RAB38: variants seen among roughly 807,000 people sequenced by gnomAD.
RAB38 encodes the protein RAB38, member RAS oncogene family, also known as ras-related protein Rab-38.
In RAB38, 15 loss-of-function variants were observed where a neutral mutation model predicts 18.4. That is an observed-to-expected ratio of 0.82 (90% CI 0.55 to 1.26). RAB38 has a LOEUF of 1.26. Among genes scored for constraint, RAB38 ranks in the 50% most tolerant of loss-of-function variants. RAB38 has a pLI of 0.00. For missense variants in RAB38, 294 were observed against 267.4 expected (o/e 1.10, Z -0.69); for synonymous variants, 101 against 104.4 (o/e 0.97, Z 0.20).
At chr11:88,121,591 CTCGCTCTG>C (rs1233505227) in intron 2 of RAB38, among the ~76,000 whole-genome samples, 1 of 151,676 alleles carries the variant, frequency 6.6e-6, no homozygotes, top group Non-Finnish European at 1.5e-5. Context: ...GAGACGGAGC[CTCGCTCTG>C]TCGCCCAGGC....
chr11:87,930,112 T>A, the RAB38 span, among the ~76,000 whole-genome samples: 1 of 152,086 alleles, frequency 6.6e-6, no homozygotes, highest in African/African-American at 2.4e-5. Flanking sequence ...ATGGTATTTC[T>A]AGTTCTAGAT....
At chr11:87,804,404 G>A in the RAB38 span, among the ~76,000 whole-genome samples, 1 of 152,118 alleles carries the variant, frequency 6.6e-6, no homozygotes, top group African/African-American at 2.4e-5. Flanking sequence ...ACTGACACCT[G>A]CTGAGGTATC....
At chr11:88,049,717 A>T in the RAB38 span, among the ~76,000 whole-genome samples, 1 of 151,904 alleles carries the variant, frequency 6.6e-6, no homozygotes, top group Non-Finnish European at 1.5e-5. Context: ...CGTGAGAAAG[A>T]TCCACCTACG....
In RAB38 at chr11:88,155,473, G is replaced by A. The variant is rs141289010; in HGVS notation, c.203-5518C>T. ...AAAAGACCCCATGGAGCAGGGCAAA[G>A]GAAAAGGAAAAAGGAAAGAAAAAAA... On this transcript the variant is annotated intron_variant, in intron 1 of 2. Coordinates refer to ENST00000243662, the MANE Select transcript of RAB38 (RefSeq NM_022337.3). Among the ~76,000 whole-genome samples the A allele has an allele frequency of 5.6e-3, 853 of 151,564 alleles. 5 individuals carry two copies. Among genetic ancestry groups the A allele is most frequent in the African/African-American group, 0.02 (813 of 41,308 alleles).
chr11:87,840,643 A>G, the RAB38 span, among the ~76,000 whole-genome samples: 12 of 152,212 alleles, frequency 7.9e-5, no homozygotes, highest in Admixed American at 3.3e-4. Context: ...TTTCTGTCTC[A>G]TACTACTGAA....
chr11:88,075,840 T>C, the RAB38 span, among the ~76,000 whole-genome samples: 1 of 150,634 alleles, frequency 6.6e-6, no homozygotes, highest in African/African-American at 2.4e-5. Context: ...AAGATTTCAC[T>C]GTTGTACTCC....
chr11:88,004,486 A>C, the RAB38 span, among the ~76,000 whole-genome samples: 1 of 151,304 alleles, frequency 6.6e-6, no homozygotes, highest in African/African-American at 2.4e-5. Flanking sequence ...AATATCATAA[A>C]GGACAACTAT....
At chr11:88,078,642 A>G in the RAB38 span, among the ~76,000 whole-genome samples, 1 of 151,888 alleles carries the variant, frequency 6.6e-6, no homozygotes, top group Non-Finnish European at 1.5e-5. Flanking sequence ...CAGATGCTGT[A>G]TGTTCTCACT....
chr11:87,850,747 T>TACACACAC, the RAB38 span, among the ~76,000 whole-genome samples: 1 of 92,524 alleles, frequency 1.1e-5, no homozygotes, highest in Non-Finnish European at 2.5e-5. Context: ...CACACACACA[T>TACACACAC]ACACACACAC....
the RAB38 span, among the ~76,000 whole-genome samples, chr11:87,851,503 G>T: frequency 6.6e-6 from 1 of 152,146 alleles, no homozygotes; most frequent in Non-Finnish European, 1.5e-5. Context: ...TGTTTTCATT[G>T]CTGTTTGTTT....
chr11:87,922,122 A>T, the RAB38 span, among the ~76,000 whole-genome samples: 1 of 151,994 alleles, frequency 6.6e-6, no homozygotes, highest in African/African-American at 2.4e-5. Flanking sequence ...TATGACTGTA[A>T]ATATTTCCAG....
the RAB38 span, among the ~76,000 whole-genome samples, chr11:88,021,592 A>G: frequency 3.1e-5 from 2 of 63,540 alleles, no homozygotes; most frequent in Admixed American, 3.4e-4. Context: ...TTATTTATTT[A>G]TTTATTTATT....
chr11:88,020,289 A>G, the RAB38 span, among the ~76,000 whole-genome samples: 1 of 152,220 alleles, frequency 6.6e-6, no homozygotes, highest in Non-Finnish European at 1.5e-5. Context: ...ACCAAAAAAG[A>G]GCAGAAGTAG....
chr11:88,031,487 C>T, the RAB38 span, among the ~76,000 whole-genome samples: 1 of 152,002 alleles, frequency 6.6e-6, no homozygotes, highest in African/African-American at 2.4e-5. Flanking sequence ...ACCCCATTGT[C>T]TCAGCCCAAA....
chr11:88,147,652 G>C (rs1810261107), intron 2 of RAB38, among the ~76,000 whole-genome samples: 1 of 151,888 alleles, frequency 6.6e-6, no homozygotes, highest in Non-Finnish European at 1.5e-5. Context: ...CAGCACTTTG[G>C]GAGGCTGAGG....
At chr11:87,829,501 G>A in the RAB38 span, among the ~76,000 whole-genome samples, 1 of 152,056 alleles carries the variant, frequency 6.6e-6, no homozygotes, top group African/African-American at 2.4e-5. Context: ...TGGTGGCAGG[G>A]GAGAGAGAGT....
the RAB38 span, among the ~76,000 whole-genome samples, chr11:87,909,116 T>C: frequency 6.6e-6 from 1 of 152,026 alleles, no homozygotes; most frequent in East Asian, 1.9e-4. Flanking sequence ...GAATCATTTA[T>C]AGTATCTCAA....
chr11:88,094,114 C>A, the RAB38 span, among the ~76,000 whole-genome samples: 1 of 151,830 alleles, frequency 6.6e-6, no homozygotes, highest in East Asian at 1.9e-4. Context: ...TTGGAAGACT[C>A]AATAAATACT....
At chr11:87,889,800 ATGTG>A in the RAB38 span, among the ~76,000 whole-genome samples, 3 of 151,534 alleles carry the variant, frequency 2.0e-5, no homozygotes, top group Non-Finnish European at 4.4e-5. Context: ...TAACATGTAG[ATGTG>A]TGTGTGTTTC....
Sources: allele counts gnomAD v4.1 joint callset (sites outside exome capture counted in the v4.1 genomes callset), GRCh38; gene constraint gnomAD v4.1.1; transcripts MANE v1.5; gene names NCBI Gene and HGNC (gene_info 2026-07-23, HGNC 2026-07-21).